The following EFCAB13 variants were observed in gnomAD, a reference collection of about 807,000 sequenced individuals.
The protein encoded by EFCAB13 is EF-hand calcium-binding domain-containing protein 13.
EFCAB13 carries 91 observed loss-of-function variants against 110.2 expected under a neutral mutation model. The observed-to-expected ratio is 0.83, with a 90% CI of 0.70 to 0.98. The LOEUF (loss-of-function observed/expected upper bound fraction) is 0.98, where lower values mean the gene tolerates loss of function less well. EFCAB13 is among the 50% of genes least tolerant of loss of function. The probability of loss-of-function intolerance (pLI) is 0.00; values close to 1 mark genes in which losing one functional copy is unlikely to be tolerated. For synonymous variants in EFCAB13, 323 were observed against 369.9 expected (o/e 0.87, Z 1.45); for missense variants, 968 against 1,119.4 (o/e 0.86, Z 1.93).
chr17:47,383,990 C>T (rs2065661190), intron 14 of EFCAB13, among the ~76,000 whole-genome samples: 1 of 152,158 alleles, frequency 6.6e-6, no homozygotes, highest in Non-Finnish European at 1.5e-5. Flanking sequence ...TTGTACGTCT[C>T]AAAGAACTTG....
At chr17:47,337,921 A>G (rs2065360474) in intron 5 of EFCAB13, among the ~76,000 whole-genome samples, 1 of 152,230 alleles carries the variant, frequency 6.6e-6, no homozygotes, top group Non-Finnish European at 1.5e-5. Context: ...TCTAGAGTCC[A>G]CATAGCAGGC....
rs1245285257 is a variant in EFCAB13, at chr17:47,328,373, T to C, written c.20T>C (p.Leu7Ser). 1 of 1,594,808 alleles carries C rather than the reference T, an allele frequency of 6.3e-7. No homozygotes were observed. Among genetic ancestry groups the C allele is most frequent in the Non-Finnish European group, 8.5e-7 (1 of 1,171,180 alleles). The change falls in exon 4 of 25, where the codon TTA (leucine) becomes TCA (serine). Residue 7 changes from leucine to serine, a missense_variant. Transcript: ENST00000331493. ...AGAAAGATGGAAACTAAAGTACATT[T>C]ATTCTGCCAGGTATTTATTTAAAAC... METKVH[L>S]FCQAEENIDL...
intron 4 of EFCAB13, among the ~76,000 whole-genome samples, chr17:47,331,702 C>A (rs1164837098): frequency 6.6e-6 from 1 of 152,038 alleles, no homozygotes; most frequent in African/African-American, 2.4e-5. Context: ...AATCACATTG[C>A]CCTAAAATCT....
At chr17:47,404,685 A>G (rs1477374653) in intron 20 of EFCAB13, 52 bp downstream of exon 20, 1 of 1,380,686 alleles carries the variant, frequency 7.2e-7, no homozygotes, top group Non-Finnish European at 1.0e-6. Flanking sequence ...GAACTTATTC[A>G]AAGTTCACCT....
intron 16 of EFCAB13, among the ~76,000 whole-genome samples, chr17:47,395,120 T>C (rs1232788967): frequency 2.0e-5 from 3 of 152,184 alleles, no homozygotes; most frequent in South Asian, 2.1e-4. Flanking sequence ...ATATACCTAA[T>C]ACCCTAGACT....
intron 10 of EFCAB13, among the ~76,000 whole-genome samples, chr17:47,367,198 C>T (rs1339283458): frequency 1.3e-5 from 2 of 152,160 alleles, no homozygotes; most frequent in Non-Finnish European, 2.9e-5. Context: ...AATCAGAAGG[C>T]AATTTAGCAC....
chr17:47,401,471 G>A (rs1052565265), intron 17 of EFCAB13, among the ~76,000 whole-genome samples: 6 of 152,068 alleles, frequency 3.9e-5, no homozygotes, highest in African/African-American at 7.2e-5. Context: ...ACTGAAAGAC[G>A]TCTTTAAAGT....
At chr17:47,325,030 C>CCCCCTTTTTTTTTTTTTTTTTTTTTTT (rs1187065378) in intron 2 of EFCAB13, among the ~76,000 whole-genome samples, 2 of 116,718 alleles carry the variant, frequency 1.7e-5, no homozygotes, top group African/African-American at 3.1e-5. Context: ...CCCCACCCCC[C>CCCCCTTTTTTTTTTTTTTTTTTTTTTT]TTTTTTTTTT....
chr17:47,333,549 T>C (rs959049629), intron 4 of EFCAB13, among the ~76,000 whole-genome samples: 2 of 152,212 alleles, frequency 1.3e-5, no homozygotes, highest in Admixed American at 1.3e-4. Context: ...TATCTTCTTG[T>C]AACTTTACAG....
At chr17:47,335,725 G>A (rs1023541531) in intron 5 of EFCAB13, among the ~76,000 whole-genome samples, 9 of 152,194 alleles carry the variant, frequency 5.9e-5, no homozygotes, top group African/African-American at 1.9e-4. Flanking sequence ...GAAGGGGAAG[G>A]GGGAGCAAGC....
chr17:47,400,814 G>T (rs185585903), intron 17 of EFCAB13, among the ~76,000 whole-genome samples: 1 of 152,254 alleles, frequency 6.6e-6, no homozygotes, highest in East Asian at 1.9e-4. Context: ...AGTACCCGTT[G>T]CCTACTTTAA....
chr17:47,414,769 A>G, intron 22 of EFCAB13, 79 bp from the exon 23 acceptor site: 1 of 880,100 alleles, frequency 1.1e-6, no homozygotes. Context: ...TTAGCTAACT[A>G]TTGTAAATCG....
At chr17:47,397,015 T>G (rs1262761546) in intron 17 of EFCAB13, among the ~76,000 whole-genome samples, 2 of 136,382 alleles carry the variant, frequency 1.5e-5, no homozygotes, top group African/African-American at 2.5e-5. Context: ...AACGTCCCTC[T>G]CCCTCTCCCC....
intron 23 of EFCAB13, among the ~76,000 whole-genome samples, chr17:47,418,708 TTAGAG>T (rs1904533076): frequency 6.6e-6 from 1 of 152,212 alleles, no homozygotes; most frequent in Non-Finnish European, 1.5e-5. Context: ...CCTTAATAAA[TTAGAG>T]TTAATTTTTG....
At chr17:47,337,534 A>G (rs2065358252) in intron 5 of EFCAB13, among the ~76,000 whole-genome samples, 1 of 152,182 alleles carries the variant, frequency 6.6e-6, no homozygotes, top group South Asian at 2.1e-4. Context: ...CTTATTCATT[A>G]TTTATACCAA....
intron 2 of EFCAB13, among the ~76,000 whole-genome samples, chr17:47,325,960 ATAG>A (rs1567776921): frequency 1.7e-5 from 2 of 117,706 alleles, no homozygotes; most frequent in Non-Finnish European, 1.8e-5. Context: ...ATATATATAT[ATAG>A]CATATATATA....
rs1555575625 is a variant in EFCAB13, at chr17:47,325,024, A to AAC, written c.-248+501_-248+502insAC. Among the ~76,000 whole-genome samples the AAC allele has an allele frequency of 6.0e-5, 2 of 33,518 alleles. 1 individual carries two copies. The highest frequency in any genetic ancestry group is 2.5e-3 in the East Asian group (2 of 814). 22.0% of individuals were successfully genotyped at this position (33,518 alleles called of 152,430 possible). Reference sequence around the variant, plus strand: ...AGTACTGATCTTAACCGCCCACCCCACCCCCCTTTTTTTTTTTTGAGACAA... The same window carrying AAC: ...AGTACTGATCTTAACCGCCCACCCCAACCCCCCCTTTTTTTTTTTTGAGACAA... On this transcript the variant is annotated intron_variant, in intron 2 of 24. Transcript: ENST00000331493.
intron 17 of EFCAB13, among the ~76,000 whole-genome samples, chr17:47,400,012 T>A (rs971129781): frequency 6.6e-6 from 1 of 152,176 alleles, no homozygotes; most frequent in Non-Finnish European, 1.5e-5. Flanking sequence ...CATTAATAGG[T>A]GTTGTTAGGC....
At chr17:47,362,503 C>G (rs906865624) in intron 10 of EFCAB13, among the ~76,000 whole-genome samples, 6 of 152,186 alleles carry the variant, frequency 3.9e-5, no homozygotes, top group Non-Finnish European at 8.8e-5. Flanking sequence ...GGCAGTCTCC[C>G]TTTCCCCGGG....
Sources: allele counts gnomAD v4.1 joint callset (sites outside exome capture counted in the v4.1 genomes callset), GRCh38; gene constraint gnomAD v4.1.1; transcripts MANE v1.5; gene names NCBI Gene and HGNC (gene_info 2026-07-23, HGNC 2026-07-21).